ANO7: variants seen among roughly 807,000 people sequenced by gnomAD.
The protein encoded by ANO7 is anoctamin-7.
ANO7 carries 114 observed loss-of-function variants against 115.8 expected under a neutral mutation model. The ratio of observed to expected loss-of-function variants is 0.98; its 90% confidence interval spans 0.85 to 1.15. The LOEUF (loss-of-function observed/expected upper bound fraction) is 1.15. ANO7 is among the 50% of genes most tolerant of loss of function. The pLI, the probability that ANO7 is intolerant of heterozygous loss-of-function variation, is 0.00. For synonymous variants in ANO7, 550 were observed against 498.2 expected (o/e 1.10, Z -1.38); for missense variants, 1,302 against 1,201.2 (o/e 1.08, Z -1.24).
intron 4 of ANO7, among the ~76,000 whole-genome samples, chr2:241,196,354 G>A (rs901809110): frequency 6.6e-6 from 1 of 152,184 alleles, no homozygotes; most frequent in African/African-American, 2.4e-5. Context: ...GGCGCAGGTG[G>A]GGCTTGGGGC....
intron 5 of ANO7, among the ~76,000 whole-genome samples, 178 bp from the exon 6 acceptor site, chr2:241,199,911 T>A (rs1239435299): frequency 6.6e-6 from 1 of 152,202 alleles, no homozygotes; most frequent in Non-Finnish European, 1.5e-5. Context: ...CCTCAGAGCC[T>A]GAGGCCCTGA....
At position 241,209,515 on chromosome 2, in the gene ANO7, G is replaced by A; in HGVS notation, c.1239G>A (p.Gln413=). Residue 413 remains glutamine (Q), a synonymous_variant, in exon 13 of 25, where the codon CAG becomes CAA. Transcript: ENST00000674324. ...CCTTCCAGGAGAGGCCTCGGCCCCA[G>A]TTTGCCGCCTCAGCCCCCATGACAG... ...YEDTEERPRP[Q]FAASAPMTAP... is the part of the protein sequence containing the mutation. 1 of 1,591,352 alleles carries A rather than the reference G, an allele frequency of 6.3e-7. No individual in the cohort carries two copies. Among genetic ancestry groups the A allele is most frequent in the Non-Finnish European group, 8.6e-7 (1 of 1,168,680 alleles).
chr2:241,225,331 C>T lies in ANO7; in HGVS notation c.*1178C>T, dbSNP rs924848702. 7.2e-5 allele frequency: 11 copies of T among 152,138 alleles called. No homozygotes were observed. Among genetic ancestry groups the T allele is most frequent in the African/African-American group, 2.7e-4 (11 of 41,506 alleles). 9.4% of individuals were successfully genotyped at this position (152,138 alleles called of 1,614,324 possible). The stretch of plus-strand genomic sequence containing the variant: ...ACAAGGTCAGGAGTTCGGGACTAGC[C>T]TGTCCAACATGGTGAAACCCTGTCT... On this transcript the variant is annotated 3_prime_UTR_variant, in exon 25 of 25. Coordinates refer to ENST00000674324, the MANE Select transcript of ANO7 (RefSeq NM_001370694.2).
chr2:241,221,713 T>C (rs1398402202), intron 21 of ANO7, among the ~76,000 whole-genome samples: 5 of 151,916 alleles, frequency 3.3e-5, no homozygotes, highest in African/African-American at 1.2e-4. Context: ...GTTTTCCTCT[T>C]GTCGCCAAGG....
Position 241,212,557 on chromosome 2 carries a change from T to G in ANO7, c.1674-15T>G, listed in dbSNP as rs2068740478. 2 of 1,611,964 alleles carry G rather than the reference T, an allele frequency of 1.2e-6. No homozygotes were observed. Among genetic ancestry groups the G allele is most frequent in the African/African-American group, 2.7e-5 (2 of 74,924 alleles). On this transcript the variant is annotated splice_polypyrimidine_tract_variant and intron_variant, in intron 16 of 24. Transcript: ENST00000674324. ...AAGGATCCCATCAAGGCTCATGATC[T>G]TGACTTTCTCCTAGGTTTGTGGGAT...
At chr2:241,223,526 G>A in intron 22 of ANO7, 136 bp from the exon 23 acceptor site, 1 of 1,392,904 alleles carries the variant, frequency 7.2e-7, no homozygotes. Flanking sequence ...TGCCCCTTCT[G>A]GGGTTCCTTT....
chr2:241,224,235 G>A lies in ANO7; in HGVS notation c.*82G>A. ...GCAGCGTCCTTTTCCTCTTCCCTCA[G>A]GCAGCGGCTGTGTGAACCGCTGGCT... On this transcript the variant is annotated 3_prime_UTR_variant, in exon 25 of 25. Transcript: ENST00000674324. 6.7e-7 allele frequency: 1 copy of A among 1,500,744 alleles called. No individual in the cohort carries two copies. The highest frequency in any genetic ancestry group is 9.2e-7 in the Non-Finnish European group (1 of 1,090,690). 93.0% of individuals were successfully genotyped at this position (1,500,744 alleles called of 1,614,324 possible). A position where few individuals can be genotyped will look rare whatever the true frequency, so the allele number is the denominator to read the frequency against.
chr2:241,236,658 G>C, the ANO7 span: 1 of 1,614,184 alleles, frequency 6.2e-7, no homozygotes, highest in Non-Finnish European at 8.5e-7. Flanking sequence ...TTTCCGGCCA[G>C]AGATGATGAT....
Position 241,199,431 on chromosome 2 carries a change from G to T in ANO7, c.417+8G>T. 6.2e-7 allele frequency: 1 copy of T among 1,613,396 alleles called. No individual in the cohort carries two copies. The highest frequency in any genetic ancestry group is 1.1e-5 in the South Asian group (1 of 91,072). On this transcript the variant is annotated splice_region_variant and intron_variant, in intron 5 of 24. Transcript: ENST00000674324. ...CTGAAGCTGCCCTTGCAGGTACGTGGGAGGCATGGGGACAGGGTGGGCCTG... is the reference window on the plus strand; with the variant it reads ...CTGAAGCTGCCCTTGCAGGTACGTGTGAGGCATGGGGACAGGGTGGGCCTG...
At chr2:241,216,721 C>T (rs889709947) in intron 19 of ANO7, among the ~76,000 whole-genome samples, 4 of 152,246 alleles carry the variant, frequency 2.6e-5, no homozygotes, top group East Asian at 1.9e-4. Context: ...ACTGCCTGCA[C>T]GGGTGGTGCA....
Position 241,203,435 on chromosome 2 carries a change from C to A in ANO7, c.826C>A (p.Gln276Lys), listed in dbSNP as rs139975872. The A allele has an allele frequency of 6.3e-7, 1 of 1,593,660 alleles. No individual in the cohort carries two copies. The highest frequency in any genetic ancestry group is 1.7e-5 in the Admixed American group (1 of 58,088). Residue 276 changes from glutamine to lysine, a missense_variant, in exon 9 of 25, where the codon CAG (glutamine) becomes AAG (lysine). Physicochemically the swap from Gln to Lys is moderately conservative, Grantham distance 53. Transcript: ENST00000674324. This position sits in a 1 kb window ranked among gnomAD's most constrained non-coding sequence, Gnocchi z 4.8. ...GCGCTGGGGCAAGTGGAACAAGTACCAGCCCCTGGACCACGTGCGCAGGTA... is the reference window on the plus strand; with the variant it reads ...GCGCTGGGGCAAGTGGAACAAGTACAAGCCCCTGGACCACGTGCGCAGGTA... ...WARWGKWNKY[Q>K]PLDHVRRYFG...
Position 241,191,203 on chromosome 2 carries a change from C to A in ANO7, c.118C>A (p.Gln40Lys). The A allele has an allele frequency of 1.2e-6, 2 of 1,613,918 alleles. No individual in the cohort carries two copies. The highest frequency in any genetic ancestry group is 1.7e-6 in the Non-Finnish European group (2 of 1,179,976). Residue 40 changes from glutamine (Q) to lysine (K), a missense_variant, in exon 3 of 25, where the codon CAG becomes AAG. Physicochemically the swap from Gln to Lys is moderately conservative, Grantham distance 53 (BLOSUM62 1). Transcript: ENST00000674324. ...STAHASEPGGQQAAACRAGSP... is the reference protein window; with the variant it reads ...STAHASEPGGKQAAACRAGSP... ...CCTCCATGCCTTCCAGCCAGGTGGA[C>A]AGCAAGCGGCCGCCTGCAGAGCTGG...
chr2:241,191,493 G>A (rs988045325), intron 3 of ANO7, among the ~76,000 whole-genome samples: 3 of 152,108 alleles, frequency 2.0e-5, no homozygotes, highest in African/African-American at 7.2e-5. Context: ...AGAGTGGACA[G>A]GGCTGCCCCC....
the ANO7 span, among the ~76,000 whole-genome samples, chr2:241,237,718 A>C: frequency 8.1e-6 from 1 of 122,846 alleles, no homozygotes; most frequent in Non-Finnish European, 1.7e-5. Context: ...AATGACATTC[A>C]GAAAAAAAAC....
intron 13 of ANO7, 121 bp downstream of exon 13, chr2:241,209,756 C>T (rs930588952): frequency 2.2e-6 from 3 of 1,367,956 alleles, no homozygotes; most frequent in East Asian, 2.5e-5. Context: ...AGAACCCTCA[C>T]TCCCCGCAGA....
chr2:241,231,039 G>A, the ANO7 span: 8 of 1,085,408 alleles, frequency 7.4e-6, no homozygotes, highest in Middle Eastern at 2.5e-4. Context: ...AAACAGCTCA[G>A]GAGAGAAGAT....
At chr2:241,205,027 C>T in intron 10 of ANO7, 72 bp downstream of exon 10, 4 of 1,290,508 alleles carry the variant, frequency 3.1e-6, no homozygotes, top group Non-Finnish European at 4.5e-6. Context: ...GGGGGGACCC[C>T]TAGGTGCTAG....
chr2:241,212,741 C>T (rs1295381451), intron 17 of ANO7, 115 bp downstream of exon 17: 6 of 1,239,408 alleles, frequency 4.8e-6, no homozygotes, highest in African/African-American at 3.0e-5. Context: ...CTATTTCCAT[C>T]GCCCAGCCAG....
chr2:241,191,648 C>T (rs181563737), intron 3 of ANO7, among the ~76,000 whole-genome samples: 7 of 152,194 alleles, frequency 4.6e-5, no homozygotes, highest in Admixed American at 3.9e-4. Flanking sequence ...TCTGTCTGCC[C>T]GGAGCTACCA....
Sources: gnomAD v4.1 joint callset for allele counts (sites outside exome capture counted in the v4.1 genomes callset) on GRCh38, gnomAD v4.1.1 for gene constraint, Gnocchi (gnomAD v3.1) non-coding constraint, MANE v1.5 for transcripts, NCBI Gene and HGNC (gene_info 2026-07-23, HGNC 2026-07-21) for gene names.